PNLIPRP3: variants seen among roughly 807,000 people sequenced by gnomAD.
PNLIPRP3 encodes pancreatic lipase related protein 3, also known as pancreatic lipase-related protein 3.
PNLIPRP3 carries 58 observed loss-of-function variants against 52.8 expected under a neutral mutation model. The ratio of observed to expected loss-of-function variants is 1.10; its 90% CI spans 0.89 to 1.37. The LOEUF (loss-of-function observed/expected upper bound fraction) is 1.37. Among genes scored for constraint, PNLIPRP3 ranks in the 40% most tolerant of loss-of-function variants. The probability of loss-of-function intolerance (pLI) is 0.00; values close to 1 mark genes in which losing one functional copy is unlikely to be tolerated. For synonymous variants in PNLIPRP3, 192 were observed against 185.0 expected (o/e 1.04, Z -0.31); for missense variants, 593 against 561.6 (o/e 1.06, Z -0.57).
At chr10:116,464,638 T>C (rs868588907) in intron 7 of PNLIPRP3, among the ~76,000 whole-genome samples, 1 of 152,206 alleles carries the variant, frequency 6.6e-6, no homozygotes, top group Non-Finnish European at 1.5e-5. Flanking sequence ...CACCAGCTTC[T>C]GAACGAGGGA....
chr10:116,471,287 G>A (rs1227669796), intron 9 of PNLIPRP3, among the ~76,000 whole-genome samples: 2 of 152,138 alleles, frequency 1.3e-5, no homozygotes, highest in Non-Finnish European at 2.9e-5. Context: ...ACATATCCCT[G>A]CAGGAGAAGA....
chr10:116,440,080 T>G, intron 2 of PNLIPRP3: 1 of 696,198 alleles, frequency 1.4e-6, no homozygotes, highest in Non-Finnish European at 2.6e-6. Context: ...ATCAACTTTT[T>G]TTTAAGTGAA....
chr10:116,435,632 G>A (rs1845764090), intron 1 of PNLIPRP3, among the ~76,000 whole-genome samples: 1 of 152,116 alleles, frequency 6.6e-6, no homozygotes, highest in Non-Finnish European at 1.5e-5. Context: ...AACAAGTGTG[G>A]GATGATATCT....
At chr10:116,437,177 G>T (rs1236618152) in intron 2 of PNLIPRP3, among the ~76,000 whole-genome samples, 2 of 152,120 alleles carry the variant, frequency 1.3e-5, no homozygotes, top group East Asian at 1.9e-4. Flanking sequence ...AATGCCTATT[G>T]TCTATTGAAT....
In PNLIPRP3 at chr10:116,473,534, T is replaced by C. The variant is rs191562709; in HGVS notation, c.1172+1655T>C. Among the ~76,000 whole-genome samples, 314 of 152,296 alleles carry C rather than the reference T, an allele frequency of 2.1e-3. 5 individuals are homozygous for C. Among genetic ancestry groups the C allele is most frequent in the Admixed American group, 0.015 (232 of 15,296 alleles). ...ATTTCTTTTTCTTTCTTTCTTTCTT[T>C]TTTTTGAGTTGGAGTCTCACTCTGT... On this transcript the variant is annotated intron_variant, in intron 10 of 11. Coordinates refer to ENST00000369230, the MANE Select transcript of PNLIPRP3 (RefSeq NM_001011709.3).
At position 116,461,235 on chromosome 10, in the gene PNLIPRP3, A is replaced by T. The variant is rs749460143; in HGVS notation, c.753A>T (p.Gly251=). 4 of 1,613,806 alleles carry T rather than the reference A, an allele frequency of 2.5e-6. No individual in the cohort carries two copies. The Admixed American group carries it at 6.7e-5, about 27-fold the overall frequency. Residue 251 remains glycine, a synonymous_variant, in exon 7 of 12, where the codon GGA becomes GGT. Coordinates refer to ENST00000369230, the MANE Select transcript of PNLIPRP3 (RefSeq NM_001011709.3). ...CAAATGGAGGGAAGCACATGCCAGG[A>T]TGTGAAGACTTAATTACACCTTTAC... ...FYPNGGKHMP[G]CEDLITPLLK... is the part of the protein sequence containing the mutation.
At chr10:116,463,531 C>A (rs1417421160) in intron 7 of PNLIPRP3, among the ~76,000 whole-genome samples, 1 of 152,112 alleles carries the variant, frequency 6.6e-6, no homozygotes, top group Non-Finnish European at 1.5e-5. Flanking sequence ...TAGAACTTAA[C>A]CAATGTCAGT....
rs923038570 is a variant in PNLIPRP3 at position 116,436,758 on chromosome 10, C to T, written c.97C>T (p.Pro33Ser). Residue 33 changes from proline (P) to serine (S), a missense_variant, in exon 2 of 12, where the codon CCA (proline) becomes TCA (serine). Transcript: ENST00000369230. ...GTTAGGGTGTTTCAAAGATGGTTTA[C>T]CATGGACCAGGACTTTCTCAACAGA... The part of the protein sequence containing the change: ...ERLGCFKDGL[P>S]WTRTFSTELV... 1.2e-5 allele frequency: 19 copies of T among 1,613,414 alleles called. No individual in the cohort carries two copies. The highest frequency in any genetic ancestry group is 1.4e-5 in the Non-Finnish European group (16 of 1,179,726).
intron 9 of PNLIPRP3, among the ~76,000 whole-genome samples, chr10:116,471,202 T>C (rs1294485988): frequency 6.6e-6 from 1 of 152,208 alleles, no homozygotes; most frequent in Non-Finnish European, 1.5e-5. Context: ...AAGTCACATT[T>C]GGCCATTTGC....
At chr10:116,445,144 A>G (rs1032963921) in intron 4 of PNLIPRP3, among the ~76,000 whole-genome samples, 2 of 151,892 alleles carry the variant, frequency 1.3e-5, no homozygotes, top group Non-Finnish European at 2.9e-5. Context: ...CAACAAATAT[A>G]TATTTCACTC....
In PNLIPRP3 at chr10:116,471,890, T is replaced by C. The variant is rs1013130369; in HGVS notation, c.1172+11T>C. On this transcript the variant is annotated intron_variant, in intron 10 of 11. Coordinates refer to ENST00000369230, the MANE Select transcript of PNLIPRP3 (RefSeq NM_001011709.3). The stretch of plus-strand genomic sequence containing the variant: ...GTTTGCCATTGTCAGGTAGGCAGAG[T>C]GAGAAACTGACGCTTTGCACAGTGC... 5.2e-6 allele frequency: 8 copies of C among 1,528,318 alleles called. No homozygotes were observed. Among genetic ancestry groups the C allele is most frequent in the East Asian group, 2.3e-5 (1 of 44,204 alleles). The allele number at this position is 1,528,318 out of a possible 1,614,324, so 94.7% of individuals were successfully genotyped here.
intron 1 of PNLIPRP3, 125 bp downstream of exon 1, chr10:116,428,186 G>T: frequency 9.0e-6 from 6 of 666,566 alleles, no homozygotes; most frequent in East Asian, 3.1e-5. Context: ...GTAGTTTATT[G>T]TTTTTATGAA....
At chr10:116,463,319 A>G (rs879297498) in intron 7 of PNLIPRP3, among the ~76,000 whole-genome samples, 15 of 152,110 alleles carry the variant, frequency 9.9e-5, no homozygotes, top group Non-Finnish European at 1.6e-4. Context: ...GACTGCATCC[A>G]GTTGGGGGCT....
intron 7 of PNLIPRP3, among the ~76,000 whole-genome samples, chr10:116,464,421 C>T (rs1216684789): frequency 6.6e-6 from 1 of 152,214 alleles, no homozygotes; most frequent in Non-Finnish European, 1.5e-5. Context: ...CTTGCACCTG[C>T]TGGGCTCACC....
chr10:116,437,766 A>G (rs1239828017), intron 2 of PNLIPRP3, among the ~76,000 whole-genome samples: 4 of 152,284 alleles, frequency 2.6e-5, no homozygotes, highest in East Asian at 1.9e-4. Flanking sequence ...ACATGTGACT[A>G]TTAAAATTAC....
rs1325723328 is a variant in PNLIPRP3, at chr10:116,466,156, A to C, written c.915A>C (p.Thr305=). The change falls in exon 8 of 12, where the codon ACA becomes ACC. Residue 305 remains threonine, a synonymous_variant. Coordinates refer to ENST00000369230, the MANE Select transcript of PNLIPRP3 (RefSeq NM_001011709.3). ...AFIAYPCRSY[T]SFKAGNCFFC... is the part of the protein sequence containing the mutation. ...TTGCTTATCCTTGTAGATCCTACAC[A>C]TCTTTTAAAGCAGTAAGTAAATCAT... 1 of 1,598,980 alleles carries C rather than the reference A, an allele frequency of 6.3e-7. No individual in the cohort carries two copies. Among genetic ancestry groups the C allele is most frequent in the Non-Finnish European group, 8.6e-7 (1 of 1,168,408 alleles).
chr10:116,472,385 G>T (rs1248031635), intron 10 of PNLIPRP3, among the ~76,000 whole-genome samples: 1 of 152,108 alleles, frequency 6.6e-6, no homozygotes, highest in Non-Finnish European at 1.5e-5. Context: ...CTTTTATCTT[G>T]AAATTTTCTT....
At chr10:116,430,345 T>C (rs1845694282) in intron 1 of PNLIPRP3, among the ~76,000 whole-genome samples, 1 of 152,134 alleles carries the variant, frequency 6.6e-6, no homozygotes, top group Non-Finnish European at 1.5e-5. Flanking sequence ...CCCAGGAGTC[T>C]GGGAAAATGA....
intron 1 of PNLIPRP3, among the ~76,000 whole-genome samples, chr10:116,432,724 A>T (rs1045604813): frequency 6.6e-6 from 1 of 152,228 alleles, no homozygotes; most frequent in Non-Finnish European, 1.5e-5. Flanking sequence ...TGAAAGTCTT[A>T]CTACTTACAC....
Sources: gnomAD v4.1 joint callset for allele counts (sites outside exome capture counted in the v4.1 genomes callset) on GRCh38, gnomAD v4.1.1 for gene constraint, MANE v1.5 for transcripts, NCBI Gene and HGNC (gene_info 2026-07-23, HGNC 2026-07-21) for gene names.